Variants in TRHDE observed in about 807,000 individuals in gnomAD.
TRHDE encodes thyrotropin-releasing hormone-degrading ectoenzyme.
TRHDE carries 72 observed loss-of-function variants against 125.7 expected under a neutral mutation model. The ratio of observed to expected loss-of-function variants is 0.57; its 90% CI spans 0.47 to 0.70. TRHDE has a LOEUF of 0.70. TRHDE is among the 30% of genes least tolerant of loss of function. The pLI, the probability that TRHDE is intolerant of heterozygous loss-of-function variation, is 0.00. For synonymous variants in TRHDE, 509 were observed against 509.1 expected (o/e 1.00, Z 0.00); for missense variants, 1,110 against 1,327.1 (o/e 0.84, Z 2.54).
chr12:72,534,733 T>G (rs1248391259), intron 6 of TRHDE, among the ~76,000 whole-genome samples: 2 of 152,108 alleles, frequency 1.3e-5, no homozygotes, highest in African/African-American at 4.8e-5. Flanking sequence ...TCATTATTAT[T>G]AATGGTGGCA....
chr12:72,536,558 A>G (rs1407585100), intron 6 of TRHDE, among the ~76,000 whole-genome samples: 1 of 152,070 alleles, frequency 6.6e-6, no homozygotes, highest in African/African-American at 2.4e-5. Flanking sequence ...CAGTTGTTAC[A>G]CTGTCCTGCT....
At position 72,503,742 on chromosome 12, in the gene TRHDE, G is replaced by A. The variant is rs148715959; in HGVS notation, c.1722+4107G>A. ...CTAGATGATCCTTAAGATATGCTAA[G>A]ACTCATCTCATACGGGCCTCAATCT... On this transcript the variant is annotated intron_variant, in intron 6 of 18. Transcript: ENST00000261180. Among the ~76,000 whole-genome samples the A allele has an allele frequency of 7.8e-3, 1,184 of 152,236 alleles. 18 individuals carry two copies. The highest frequency in any genetic ancestry group is 0.028 in the African/African-American group (1,144 of 41,550).
At chr12:72,579,626 A>T (rs1036062054) in intron 12 of TRHDE, among the ~76,000 whole-genome samples, 1 of 152,072 alleles carries the variant, frequency 6.6e-6, no homozygotes. Context: ...ATGTCAAGGC[A>T]TTCCTTTTAT....
At chr12:72,228,657 A>G (rs990725498) in intron 2 of TRHDE, among the ~76,000 whole-genome samples, 1 of 152,194 alleles carries the variant, frequency 6.6e-6, no homozygotes, top group Non-Finnish European at 1.5e-5. Flanking sequence ...CTAAATTTTT[A>G]TGCTCTGCTT....
intron 2 of TRHDE, among the ~76,000 whole-genome samples, chr12:72,189,301 T>C (rs1448175547): frequency 1.3e-5 from 2 of 152,208 alleles, no homozygotes; most frequent in African/African-American, 4.8e-5. Context: ...ATTTCAAACC[T>C]TACAGGTAAA....
intron 6 of TRHDE, among the ~76,000 whole-genome samples, chr12:72,529,071 T>G (rs1460420192): frequency 6.6e-6 from 1 of 152,120 alleles, no homozygotes; most frequent in Non-Finnish European, 1.5e-5. Flanking sequence ...GATAATTTTA[T>G]TTTAAATAAA....
chr12:72,402,663 T>G (rs775075402), intron 3 of TRHDE, among the ~76,000 whole-genome samples: 5 of 152,184 alleles, frequency 3.3e-5, no homozygotes, highest in African/African-American at 7.2e-5. Flanking sequence ...CATTCACAGG[T>G]ACTGAGGGTT....
chr12:72,175,686 T>C (rs1876971715), intron 2 of TRHDE, among the ~76,000 whole-genome samples: 1 of 152,242 alleles, frequency 6.6e-6, no homozygotes, highest in Non-Finnish European at 1.5e-5. Flanking sequence ...CTTTACCTAA[T>C]GGACCACCTA....
chr12:72,439,468 GTTTC>G (rs1339551246), intron 3 of TRHDE, among the ~76,000 whole-genome samples: 1 of 151,430 alleles, frequency 6.6e-6, no homozygotes, highest in Non-Finnish European at 1.5e-5. Flanking sequence ...GTCTTCTTCA[GTTTC>G]TTTCATTCAT....
Position 72,640,313 on chromosome 12 carries a change from C to G in TRHDE, c.2676-12009C>G, listed in dbSNP as rs535768615. On this transcript the variant is annotated intron_variant, in intron 15 of 18. Coordinates refer to ENST00000261180, the MANE Select transcript of TRHDE (RefSeq NM_013381.3). Reference sequence around the variant, plus strand: ...TTTCTTTGACAAGGAAAGGGAACTCCCTGACCCCCTGCGCTTCCCGAGTGA... The same window carrying G: ...TTTCTTTGACAAGGAAAGGGAACTCGCTGACCCCCTGCGCTTCCCGAGTGA... 2.0e-5 allele frequency among the ~76,000 whole-genome samples: 3 copies of G among 152,338 alleles called. No individual in the cohort carries two copies. In the South Asian group the frequency reaches 6.2e-4, roughly 32 times the overall value.
chr12:72,200,316 G>A lies in TRHDE; in HGVS notation n.279+94564G>A, dbSNP rs75223095. Reference sequence around the variant, plus strand: ...GGGAAGGTGAGATAGAAAAGATAGTGAGGAGGAAAGTCTGTAAATATAATG... The same window carrying A: ...GGGAAGGTGAGATAGAAAAGATAGTAAGGAGGAAAGTCTGTAAATATAATG... On this transcript the variant is annotated intron_variant and non_coding_transcript_variant, in intron 2 of 4. Coordinates refer to the TRHDE transcript ENST00000548156. Among the ~76,000 whole-genome samples the A allele has an allele frequency of 6.8e-4, 104 of 152,264 alleles. 1 individual carries two copies. The East Asian group carries it at 0.016, about 24-fold the overall frequency.
Position 72,575,222 on chromosome 12 carries a change from G to T in TRHDE, c.2132-33G>T, listed in dbSNP as rs373566841. 4.4e-6 allele frequency: 7 copies of T among 1,606,422 alleles called. No homozygotes were observed. In the African/African-American group the frequency reaches 9.4e-5, roughly 22 times the overall value. ...ACTTCATTTCATTTTAACTCTTAAA[G>T]TTTGAAATCTATCCCAAAAATGCTT... On this transcript the variant is annotated intron_variant, in intron 10 of 18. Transcript: ENST00000261180.
At chr12:72,179,711 A>G (rs1877057984) in intron 2 of TRHDE, among the ~76,000 whole-genome samples, 1 of 152,094 alleles carries the variant, frequency 6.6e-6, no homozygotes, top group Non-Finnish European at 1.5e-5. Context: ...ATATTCTTAT[A>G]TTATTTCCTT....
chr12:72,179,794 G>C (rs897533415), intron 2 of TRHDE, among the ~76,000 whole-genome samples: 1 of 152,046 alleles, frequency 6.6e-6, no homozygotes, highest in South Asian at 2.1e-4. Context: ...ACAGTATCTT[G>C]TATATACAGT....
At chr12:72,234,501 G>C (rs1224164856) in intron 2 of TRHDE, among the ~76,000 whole-genome samples, 2 of 151,972 alleles carry the variant, frequency 1.3e-5, no homozygotes, top group Non-Finnish European at 2.9e-5. Context: ...GTGATCTGAG[G>C]GCTCTTTTTG....
In TRHDE at chr12:72,665,244, T is replaced by A. The variant is rs925305863; in HGVS notation, c.*2049T>A. The stretch of plus-strand genomic sequence containing the variant: ...AAAATCTCTTAGTAGTTGTGGTATA[T>A]TTTTGAGTAAAATTACCATTTCCAG... On this transcript the variant is annotated 3_prime_UTR_variant, in exon 19 of 19. Transcript: ENST00000261180. 1 of 152,430 alleles carries A rather than the reference T, an allele frequency of 6.6e-6. No homozygotes were observed. Among genetic ancestry groups the A allele is most frequent in the Non-Finnish European group, 1.5e-5 (1 of 67,962 alleles). The allele number at this position is 152,430 out of a possible 1,614,324, so 9.4% of individuals were successfully genotyped here.
chr12:72,379,206 T>G (rs1258825181), intron 3 of TRHDE, among the ~76,000 whole-genome samples: 2 of 152,250 alleles, frequency 1.3e-5, no homozygotes, highest in African/African-American at 4.8e-5. Flanking sequence ...CAATGAGTAG[T>G]TAGTTCAGAA....
intron 6 of TRHDE, among the ~76,000 whole-genome samples, chr12:72,518,996 A>G (rs962637186): frequency 2.0e-5 from 3 of 152,178 alleles, no homozygotes; most frequent in African/African-American, 7.2e-5. Flanking sequence ...TGGCTGGTAG[A>G]GTTTCTGCCG....
intron 10 of TRHDE, among the ~76,000 whole-genome samples, chr12:72,573,395 T>C (rs1400562887): frequency 6.6e-6 from 1 of 151,980 alleles, no homozygotes; most frequent in African/African-American, 2.4e-5. Context: ...GGAGACTGGA[T>C]AAATCATTTG....
Sources: gnomAD v4.1 joint callset for allele counts (sites outside exome capture counted in the v4.1 genomes callset) on GRCh38, gnomAD v4.1.1 for gene constraint, MANE v1.5 for transcripts, NCBI Gene and HGNC (gene_info 2026-07-23, HGNC 2026-07-21) for gene names.